The following GRM7 variants were observed in gnomAD, a reference collection of about 807,000 sequenced individuals.
GRM7 encodes glutamate metabotropic receptor 7.
In GRM7, 35 loss-of-function variants were observed where a neutral mutation model predicts 84.5. That is an observed-to-expected ratio of 0.41 (90% CI 0.32 to 0.55). GRM7 has a LOEUF of 0.55. GRM7 is among the 20% of genes least tolerant of loss of function. GRM7 has a pLI of 0.19. For synonymous variants in GRM7, 487 were observed against 455.1 expected (o/e 1.07, Z -0.89); for missense variants, 1,003 against 1,194.6 (o/e 0.84, Z 2.36).
intron 8 of GRM7, among the ~76,000 whole-genome samples, chr3:7,658,102 G>A (rs1699280945): frequency 6.6e-6 from 1 of 152,128 alleles, no homozygotes; most frequent in Non-Finnish European, 1.5e-5. Context: ...GCATCAAAAG[G>A]TATTCCTTAT....
intron 5 of GRM7, among the ~76,000 whole-genome samples, chr3:7,428,861 A>C (rs979065466): frequency 7.2e-5 from 11 of 152,350 alleles, no homozygotes; most frequent in African/African-American, 2.6e-4. Flanking sequence ...CTTCATTAAA[A>C]TATTATATGA....
intron 1 of GRM7, among the ~76,000 whole-genome samples, chr3:7,108,829 A>G (rs1360346005): frequency 6.6e-6 from 1 of 152,108 alleles, no homozygotes; most frequent in East Asian, 1.9e-4. Context: ...GGTTGCAGTC[A>G]TAGAGGCGCT....
chr3:7,681,971 A>G (rs1040317201), intron 9 of GRM7: 26 of 152,356 alleles, frequency 1.7e-4, no homozygotes, highest in African/African-American at 5.8e-4. Context: ...ATTTATTAAG[A>G]TATAGTAGCT....
chr3:7,672,885 G>A (rs947426132), intron 8 of GRM7, among the ~76,000 whole-genome samples: 7 of 152,074 alleles, frequency 4.6e-5, no homozygotes, highest in Non-Finnish European at 7.4e-5. Context: ...GTGAGCCACC[G>A]CGCCCAGCCT....
chr3:7,404,669 G>A (rs1394532267), intron 4 of GRM7, among the ~76,000 whole-genome samples: 1 of 152,036 alleles, frequency 6.6e-6, no homozygotes, highest in Non-Finnish European at 1.5e-5. Context: ...TTAGCATAGG[G>A]AAATAACAAC....
chr3:7,556,277 C>CTAA (rs1693753940), intron 7 of GRM7, among the ~76,000 whole-genome samples: 1 of 152,120 alleles, frequency 6.6e-6, no homozygotes, highest in Non-Finnish European at 1.5e-5. Flanking sequence ...GTTCTACCTC[C>CTAA]TAATAACATC....
At chr3:7,675,930 A>G (rs1287785984) in intron 8 of GRM7, among the ~76,000 whole-genome samples, 1 of 152,104 alleles carries the variant, frequency 6.6e-6, no homozygotes, top group Admixed American at 6.6e-5. Context: ...AACTATTATG[A>G]TTTTGATTTT....
chr3:7,007,947 G>A (rs338087), intron 1 of GRM7, among the ~76,000 whole-genome samples: 48,129 of 151,936 alleles, frequency 0.32, 10,176 homozygotes, highest in African/African-American at 0.61. Flanking sequence ...AACTAGCAAC[G>A]TAAGAAATGT....
intron 8 of GRM7, among the ~76,000 whole-genome samples, chr3:7,634,595 C>A (rs1697996758): frequency 6.8e-6 from 1 of 147,160 alleles, no homozygotes; most frequent in Non-Finnish European, 1.5e-5. Flanking sequence ...GAGATCTAGA[C>A]CATCCTAGCT....
intron 5 of GRM7, among the ~76,000 whole-genome samples, chr3:7,449,500 A>G (rs1049358383): frequency 6.6e-6 from 1 of 152,184 alleles, no homozygotes; most frequent in African/African-American, 2.4e-5. Flanking sequence ...GAAATAAATT[A>G]TTCAGAAAAA....
intron 1 of GRM7, among the ~76,000 whole-genome samples, chr3:6,886,222 G>A (rs558348281): frequency 6.6e-6 from 1 of 152,118 alleles, no homozygotes; most frequent in East Asian, 1.9e-4. Flanking sequence ...GATCTGAAGG[G>A]TACTACATTG....
chr3:7,123,759 G>T (rs997295235), intron 1 of GRM7, among the ~76,000 whole-genome samples: 1 of 152,146 alleles, frequency 6.6e-6, no homozygotes, highest in Non-Finnish European at 1.5e-5. Context: ...ACGCTTCCTG[G>T]ATTTGCCTAT....
At chr3:7,659,949 T>A (rs1413374886) in intron 8 of GRM7, among the ~76,000 whole-genome samples, 1 of 152,188 alleles carries the variant, frequency 6.6e-6, no homozygotes, top group African/African-American at 2.4e-5. Context: ...CATTATTTCA[T>A]GGGAGTGAGG....
At chr3:7,548,416 A>G (rs561554837) in intron 7 of GRM7, among the ~76,000 whole-genome samples, 44 of 152,338 alleles carry the variant, frequency 2.9e-4, no homozygotes, top group Non-Finnish European at 5.3e-4. Context: ...CTTCTGGTAT[A>G]GCCTACAGAA....
intron 1 of GRM7, among the ~76,000 whole-genome samples, chr3:6,877,963 T>G (rs1574958770): frequency 6.9e-6 from 1 of 145,930 alleles, no homozygotes; most frequent in Non-Finnish European, 1.5e-5. Context: ...TTTTTTTTTT[T>G]ACAGATCTGT....
At chr3:6,884,934 A>G (rs1695636284) in intron 1 of GRM7, among the ~76,000 whole-genome samples, 1 of 152,178 alleles carries the variant, frequency 6.6e-6, no homozygotes, top group Admixed American at 6.5e-5. Flanking sequence ...GAAATAACAC[A>G]TGCCTTTAAG....
chr3:7,068,990 G>A (rs1697767517), intron 1 of GRM7, among the ~76,000 whole-genome samples: 1 of 151,386 alleles, frequency 6.6e-6, no homozygotes. Context: ...TTCCCTATGA[G>A]GTAGATAAGT....
At chr3:7,278,489 A>T (rs1279810159) in intron 2 of GRM7, among the ~76,000 whole-genome samples, 2 of 152,066 alleles carry the variant, frequency 1.3e-5, no homozygotes, top group Non-Finnish European at 2.9e-5. Flanking sequence ...AAGAGCAAAG[A>T]CTATCTTGTT....
chr3:7,067,950 C>T (rs1697726629), intron 1 of GRM7, among the ~76,000 whole-genome samples: 1 of 151,904 alleles, frequency 6.6e-6, no homozygotes, highest in Non-Finnish European at 1.5e-5. Context: ...GTAAAGAACT[C>T]ACCTTGCATC....
Sources: gnomAD v4.1 joint callset for allele counts (sites outside exome capture counted in the v4.1 genomes callset) on GRCh38, gnomAD v4.1.1 for gene constraint, MANE v1.5 for transcripts, NCBI Gene and HGNC (gene_info 2026-07-23, HGNC 2026-07-21) for gene names.